GRIN2B: variants seen among roughly 807,000 people sequenced by gnomAD.
GRIN2B encodes glutamate ionotropic receptor NMDA type subunit 2B, also known as glutamate receptor ionotropic, NMDA 2B.
GRIN2B carries 5 observed loss-of-function variants against 114.5 expected under a neutral mutation model. The ratio of observed to expected loss-of-function variants is 0.04; its 90% CI spans 0.02 to 0.09. GRIN2B has a LOEUF of 0.09. GRIN2B is among the 10% of genes least tolerant of loss of function. The probability of loss-of-function intolerance (pLI) is 1.00; values close to 1 mark genes in which losing one functional copy is unlikely to be tolerated. For synonymous variants in GRIN2B, 787 were observed against 745.1 expected (o/e 1.06, Z -0.92); for missense variants, 1,108 against 1,943.5 (o/e 0.57, Z 8.08).
chr12:13,760,399 C>T (rs1863657306), intron 3 of GRIN2B, among the ~76,000 whole-genome samples: 2 of 152,142 alleles, frequency 1.3e-5, no homozygotes, highest in Admixed American at 1.3e-4. Flanking sequence ...GTTGGCTATC[C>T]AACTGTGATT....
intron 5 of GRIN2B, among the ~76,000 whole-genome samples, chr12:13,632,204 G>A (rs1591650783): frequency 6.6e-6 from 1 of 152,204 alleles, no homozygotes; most frequent in African/African-American, 2.4e-5. Context: ...AGTAAGTTAG[G>A]CTAACAGTTG....
chr12:13,792,148 A>T (rs1307906827), intron 3 of GRIN2B, among the ~76,000 whole-genome samples: 1 of 152,234 alleles, frequency 6.6e-6, no homozygotes, highest in Admixed American at 6.5e-5. Context: ...GCCACTGGCC[A>T]TTGGCCTTGG....
chr12:13,685,660 C>T (rs1218733011), intron 4 of GRIN2B, among the ~76,000 whole-genome samples: 2 of 152,082 alleles, frequency 1.3e-5, no homozygotes, highest in South Asian at 2.1e-4. Flanking sequence ...GCTGTTGACT[C>T]ATTCAAAAAC....
chr12:13,640,980 C>A (rs1285477526), intron 5 of GRIN2B, among the ~76,000 whole-genome samples: 1 of 152,068 alleles, frequency 6.6e-6, no homozygotes, highest in Admixed American at 6.6e-5. Context: ...AGGGTATAAA[C>A]CTTCCATAAA....
Position 13,866,179 on chromosome 12 carries a change from G to A in GRIN2B, c.30C>T (p.Pro10=), listed in dbSNP as rs762697002. MKPRAECCS[P]KFWLVLAVLA... ...GGACGGCCAACACCAACCAGAACTTGGGAGAACAGCACTCCGCTCTGGGCT... is the reference window on the plus strand; with the variant it reads ...GGACGGCCAACACCAACCAGAACTTAGGAGAACAGCACTCCGCTCTGGGCT... The change falls in exon 3 of 14, where the codon CCC becomes CCT. Residue 10 remains proline (P), a synonymous_variant. Transcript: ENST00000609686. 22 of 1,611,468 alleles carry A rather than the reference G, an allele frequency of 1.4e-5. No homozygotes were observed. Among genetic ancestry groups the A allele is most frequent in the Non-Finnish European group, 1.8e-5 (21 of 1,179,946 alleles).
chr12:13,567,242 G>A lies in GRIN2B; in HGVS notation c.2381C>T (p.Ala794Val). The A allele has an allele frequency of 6.2e-7, 1 of 1,613,806 alleles. No homozygotes were observed. The highest frequency in any genetic ancestry group is 8.5e-7 in the Non-Finnish European group (1 of 1,179,734). ...FGDGEMEELE[A>V]LWLTGICHNE... Reference sequence around the variant, plus strand: ...GTGACAAATGCCAGTGAGCCAGAGAGCTTCCAGTTCTTCCATCTCCCCTGG... The same window carrying A: ...GTGACAAATGCCAGTGAGCCAGAGAACTTCCAGTTCTTCCATCTCCCCTGG... The change falls in exon 13 of 14, where the codon GCT becomes GTT. Residue 794 changes from alanine (A) to valine (V), a missense_variant. Coordinates refer to ENST00000609686, the MANE Select transcript of GRIN2B (RefSeq NM_000834.5).
chr12:13,612,889 A>G (rs1455760064), intron 8 of GRIN2B, among the ~76,000 whole-genome samples: 1 of 152,258 alleles, frequency 6.6e-6, no homozygotes, highest in East Asian at 1.9e-4. Context: ...GTGAATTAAC[A>G]TGCTGTTTTC....
In GRIN2B at chr12:13,769,297, C is replaced by T. The variant is rs117422294; in HGVS notation, c.412-15382G>A. ...CACTCACACAAGAACCCTCCCACCC[C>T]CTCAAGGCCCTTTTCTTATTTCCCA... On this transcript the variant is annotated intron_variant, in intron 3 of 13. Coordinates refer to ENST00000609686, the MANE Select transcript of GRIN2B (RefSeq NM_000834.5). 5.4e-3 allele frequency among the ~76,000 whole-genome samples: 828 copies of T among 152,150 alleles called. 17 individuals are homozygous for T. Among genetic ancestry groups the T allele is most frequent in the Middle Eastern group, 0.02 (6 of 294 alleles).
At chr12:13,883,284 G>A (rs902127444) in intron 2 of GRIN2B, among the ~76,000 whole-genome samples, 1 of 152,150 alleles carries the variant, frequency 6.6e-6, no homozygotes, top group Non-Finnish European at 1.5e-5. Context: ...CAGTGGGATT[G>A]CTAAATTATT....
Position 13,739,648 on chromosome 12 carries a change from G to A in GRIN2B, c.1010+13669C>T, listed in dbSNP as rs939557496. Among the ~76,000 whole-genome samples the A allele has an allele frequency of 2.0e-5, 3 of 151,068 alleles. No individual in the cohort carries two copies. The East Asian group carries it at 5.8e-4, about 29-fold the overall frequency. On this transcript the variant is annotated intron_variant, in intron 4 of 13. Coordinates refer to ENST00000609686, the MANE Select transcript of GRIN2B (RefSeq NM_000834.5). Reference sequence around the variant, plus strand: ...TGTAATACTTGTGGCTGATGAGAAAGATTCTGAAAAAAAATAGCTGATTGC... The same window carrying A: ...TGTAATACTTGTGGCTGATGAGAAAAATTCTGAAAAAAAATAGCTGATTGC...
intron 2 of GRIN2B, among the ~76,000 whole-genome samples, chr12:13,935,638 T>C (rs1195347445): frequency 1.3e-5 from 2 of 152,194 alleles, no homozygotes; most frequent in Admixed American, 1.3e-4. Flanking sequence ...ATAGTACCTA[T>C]TTGATGGCAT....
chr12:13,786,521 A>G (rs1219086728), intron 3 of GRIN2B, among the ~76,000 whole-genome samples: 1 of 152,156 alleles, frequency 6.6e-6, no homozygotes, highest in East Asian at 1.9e-4. Flanking sequence ...AATGTCAACC[A>G]AGGCAGTCCT....
At chr12:13,730,136 C>T (rs989045943) in intron 4 of GRIN2B, among the ~76,000 whole-genome samples, 1 of 152,022 alleles carries the variant, frequency 6.6e-6, no homozygotes, top group Non-Finnish European at 1.5e-5. Context: ...CATCCCCAGG[C>T]TGGGGTCCCT....
chr12:13,840,964 C>T (rs1427463492), intron 3 of GRIN2B, among the ~76,000 whole-genome samples: 2 of 152,110 alleles, frequency 1.3e-5, no homozygotes, highest in East Asian at 3.8e-4. Flanking sequence ...ATGAATAACG[C>T]CCTATAGCCA....
At chr12:13,879,252 C>T (rs1866035160) in intron 2 of GRIN2B, among the ~76,000 whole-genome samples, 1 of 152,100 alleles carries the variant, frequency 6.6e-6, no homozygotes, top group South Asian at 2.1e-4. Context: ...TAGCCTATTA[C>T]TCCTAGGCTA....
intron 2 of GRIN2B, among the ~76,000 whole-genome samples, chr12:13,889,244 T>C (rs1866217245): frequency 6.6e-6 from 1 of 152,190 alleles, no homozygotes; most frequent in Admixed American, 6.5e-5. Context: ...TATCATCTTA[T>C]GGGACCACCG....
chr12:13,802,873 A>C (rs1864541165), intron 3 of GRIN2B, among the ~76,000 whole-genome samples: 1 of 152,164 alleles, frequency 6.6e-6, no homozygotes, highest in African/African-American at 2.4e-5. Flanking sequence ...TGTAACAAGA[A>C]AAATTATTAA....
At chr12:13,691,244 G>C (rs186502678) in intron 4 of GRIN2B, among the ~76,000 whole-genome samples, 1 of 152,130 alleles carries the variant, frequency 6.6e-6, no homozygotes, top group Non-Finnish European at 1.5e-5. Context: ...CAGGATGTCA[G>C]TATCTTCAGA....
intron 3 of GRIN2B, among the ~76,000 whole-genome samples, chr12:13,778,148 T>C (rs1388817487): frequency 2.0e-5 from 3 of 152,206 alleles, no homozygotes; most frequent in Non-Finnish European, 4.4e-5. Context: ...GCTCCTTTCT[T>C]CCTCAATTGT....
Sources: gnomAD v4.1 joint callset for allele counts (sites outside exome capture counted in the v4.1 genomes callset) on GRCh38, gnomAD v4.1.1 for gene constraint, MANE v1.5 for transcripts, NCBI Gene and HGNC (gene_info 2026-07-23, HGNC 2026-07-21) for gene names.